The following ZNF618 variants were observed in gnomAD, a reference collection of about 807,000 sequenced individuals.
The protein encoded by ZNF618 is zinc finger protein 618, also known as neural precursor cell expressed, developmentally down-regulated 10.
A neutral mutation model predicts 103.0 loss-of-function variants in ZNF618; 34 were observed. That is an observed-to-expected ratio of 0.33 (90% CI 0.25 to 0.44). The LOEUF is 0.44. Ranked by LOEUF, ZNF618 falls within the 20% of genes least tolerant of loss-of-function variation. The probability of loss-of-function intolerance (pLI) is 1.00; values close to 1 mark genes in which losing one functional copy is unlikely to be tolerated. For synonymous variants in ZNF618, 551 were observed against 542.2 expected (o/e 1.02, Z -0.23); for missense variants, 1,059 against 1,295.4 (o/e 0.82, Z 2.80).
chr9:113,930,680 G>T (rs941667728), intron 1 of ZNF618, among the ~76,000 whole-genome samples: 1 of 152,214 alleles, frequency 6.6e-6, no homozygotes, highest in African/African-American at 2.4e-5. Context: ...TGACAAGAAG[G>T]TGCCTAGAAG....
In ZNF618 at chr9:113,940,901, G is replaced by A. The variant is rs922650426; in HGVS notation, c.34-28216G>A. 4.0e-5 allele frequency among the ~76,000 whole-genome samples: 6 copies of A among 151,884 alleles called. No homozygotes were observed. The East Asian group carries it at 9.6e-4, about 24-fold the overall frequency. On this transcript the variant is annotated intron_variant, in intron 1 of 14. Transcript: ENST00000374126. The stretch of plus-strand genomic sequence containing the variant: ...CTTTTAACAGGAGAATTTATATATC[G>A]TTCATATTTATTGTGATTTCTCGTT...
intron 1 of ZNF618, among the ~76,000 whole-genome samples, chr9:113,881,050 A>G (rs1828471325): frequency 6.6e-6 from 1 of 152,162 alleles, no homozygotes; most frequent in Non-Finnish European, 1.5e-5. Context: ...GCCTTGGATG[A>G]GTCTGGAAGG....
chr9:113,959,392 C>G (rs1836630293), intron 1 of ZNF618, among the ~76,000 whole-genome samples: 1 of 152,212 alleles, frequency 6.6e-6, no homozygotes, highest in Non-Finnish European at 1.5e-5. Flanking sequence ...TCTGATCCTG[C>G]CCAGCTGGGG....
intron 1 of ZNF618, among the ~76,000 whole-genome samples, chr9:113,914,719 TAGAG>T (rs1425327472): frequency 2.6e-5 from 4 of 152,278 alleles, no homozygotes; most frequent in South Asian, 2.1e-4. Context: ...TGTAACAAGA[TAGAG>T]AGGGCTGGGT....
chr9:113,935,800 GA>G (rs1032748302), intron 1 of ZNF618, among the ~76,000 whole-genome samples: 1 of 152,136 alleles, frequency 6.6e-6, no homozygotes, highest in Non-Finnish European at 1.5e-5. Flanking sequence ...CCTGCTCGGC[GA>G]AAGTTTTGAG....
intron 1 of ZNF618, among the ~76,000 whole-genome samples, chr9:113,911,806 T>TG (rs1480263236): frequency 2.6e-5 from 4 of 152,156 alleles, no homozygotes; most frequent in Non-Finnish European, 5.9e-5. Flanking sequence ...TGGCCTGTTT[T>TG]GGGGGATGTT....
chr9:113,969,011 CCA>C lies in ZNF618; in HGVS notation c.34-103_34-102del, dbSNP rs1210048805. On this transcript the variant is annotated intron_variant, in intron 1 of 14. Coordinates refer to ENST00000374126, the MANE Select transcript of ZNF618 (RefSeq NM_001318042.2). ...GACAGGGGCTTGTGGCCAGCTCACC[CCA>C]CAGTGTGAAGGCTGGTATTCAGTGG... 4.5e-6 allele frequency: 6 copies of C among 1,334,374 alleles called. No homozygotes were observed. In the East Asian group the frequency reaches 1.4e-4, roughly 31 times the overall value. The allele number at this position is 1,334,374 out of a possible 1,614,324, so 82.7% of individuals were successfully genotyped here.
intron 1 of ZNF618, among the ~76,000 whole-genome samples, chr9:113,927,254 G>A (rs773312423): frequency 1.3e-5 from 2 of 152,164 alleles, no homozygotes; most frequent in African/African-American, 2.4e-5. Context: ...GGCCTTTAGT[G>A]TGAGGTTTTA....
In ZNF618 at chr9:114,050,092, T is replaced by G; in HGVS notation, c.2790T>G (p.Leu930=). 1 of 1,611,040 alleles carries G rather than the reference T, an allele frequency of 6.2e-7. No individual in the cohort carries two copies. The highest frequency in any genetic ancestry group is 8.5e-7 in the Non-Finnish European group (1 of 1,178,832). ...GTGTAAATATGTGTGAACAAGCGCT[T>G]CTAATCAAACGGAGGCGGCTGCTCA... The part of the protein sequence containing the change: ...SGCVNMCEQA[L]LIKRRRLLSP... Residue 930 remains leucine (L), a synonymous_variant, in exon 15 of 15, where the codon CTT becomes CTG. Transcript: ENST00000374126.
At position 114,049,629 on chromosome 9, in the gene ZNF618, A is replaced by G. The variant is rs1475771921; in HGVS notation, c.2327A>G (p.Asn776Ser). The G allele has an allele frequency of 3.1e-6, 5 of 1,613,714 alleles. No homozygotes were observed. The African/African-American group carries it at 5.3e-5, about 17-fold the overall frequency. ...RLEKLFTAKA[N>S]DAGTVSKLCH... is the part of the protein sequence containing the mutation. Reference sequence around the variant, plus strand: ...GAGAAGCTGTTCACGGCCAAGGCCAACGACGCAGGCACTGTCAGCAAGCTC... The same window carrying G: ...GAGAAGCTGTTCACGGCCAAGGCCAGCGACGCAGGCACTGTCAGCAAGCTC... The change falls in exon 15 of 15, where the codon AAC becomes AGC. Residue 776 changes from asparagine to serine, a missense_variant. Transcript: ENST00000374126.
intron 1 of ZNF618, among the ~76,000 whole-genome samples, chr9:113,915,512 G>C (rs1831986121): frequency 6.6e-6 from 1 of 152,162 alleles, no homozygotes; most frequent in Non-Finnish European, 1.5e-5. Context: ...TTAATGCTGA[G>C]ATTGGTAAAG....
chr9:113,982,135 T>C (rs895458006), intron 2 of ZNF618, among the ~76,000 whole-genome samples: 1 of 152,248 alleles, frequency 6.6e-6, no homozygotes, highest in African/African-American at 2.4e-5. Flanking sequence ...TAGTGGAAGA[T>C]AGTAATTTAC....
At chr9:114,017,266 C>T (rs989637734) in intron 10 of ZNF618, among the ~76,000 whole-genome samples, 1 of 152,106 alleles carries the variant, frequency 6.6e-6, no homozygotes, top group African/African-American at 2.4e-5. Context: ...GTGGCAGGAA[C>T]CCTGAGCTGG....
chr9:113,921,152 A>G (rs1588046121), intron 1 of ZNF618, among the ~76,000 whole-genome samples: 1 of 152,244 alleles, frequency 6.6e-6, no homozygotes, highest in African/African-American at 2.4e-5. Context: ...CAGCTTTGGC[A>G]TCCATTAGAC....
rs1237773034 is a variant in ZNF618 at position 114,051,934 on chromosome 9, C to T, written c.*1767C>T. On this transcript the variant is annotated 3_prime_UTR_variant, in exon 15 of 15. Transcript: ENST00000374126. ...TCTCACTCCCCTGGTGACCCTTAGC[C>T]GTGGGATGGGGTGGTTACACTAAGG... is the stretch of plus-strand genomic sequence containing the variant. 2 of 152,460 alleles carry T rather than the reference C, an allele frequency of 1.3e-5. No individual in the cohort carries two copies. The highest frequency in any genetic ancestry group is 1.9e-4 in the East Asian group (1 of 5,176). The allele number at this position is 152,460 out of a possible 1,614,324, so 9.4% of individuals were successfully genotyped here. A position where few individuals can be genotyped will look rare whatever the true frequency, so the allele number is the denominator to read the frequency against.
intron 1 of ZNF618, among the ~76,000 whole-genome samples, chr9:113,883,980 TGGCCC>T (rs1159486920): frequency 8.1e-5 from 4 of 49,364 alleles, no homozygotes; most frequent in Admixed American, 2.1e-4. Context: ...TCTCTGGGCT[TGGCCC>T]CCCCCCCCCC....
chr9:113,900,769 G>A (rs372373136), intron 1 of ZNF618, among the ~76,000 whole-genome samples: 3 of 122,590 alleles, frequency 2.4e-5, no homozygotes, highest in East Asian at 5.8e-4. Flanking sequence ...CCGACCTCCT[G>A]TCTCCTAGCA....
chr9:113,999,494 T>C (rs1463438784), intron 4 of ZNF618, among the ~76,000 whole-genome samples: 2 of 151,846 alleles, frequency 1.3e-5, no homozygotes, highest in Non-Finnish European at 2.9e-5. Context: ...GCACTGGGGG[T>C]CAGGAGCCAG....
intron 6 of ZNF618, among the ~76,000 whole-genome samples, 159 bp downstream of exon 6, chr9:114,002,821 G>T (rs973804830): frequency 6.6e-6 from 1 of 152,222 alleles, no homozygotes; most frequent in South Asian, 2.1e-4. Flanking sequence ...TTACAAAACC[G>T]CAATGCGGTA....
Sources: gnomAD v4.1 joint callset for allele counts (sites outside exome capture counted in the v4.1 genomes callset) on GRCh38, gnomAD v4.1.1 for gene constraint, MANE v1.5 for transcripts, NCBI Gene and HGNC (gene_info 2026-07-23, HGNC 2026-07-21) for gene names.